The following TIMM17B variants were observed in gnomAD, a reference collection of about 807,000 sequenced individuals.
TIMM17B encodes the protein translocase of inner mitochondrial membrane 17B.
Under a neutral mutation model 15.9 loss-of-function variants are expected in TIMM17B, and 10 were observed. The observed-to-expected ratio is 0.63, with a 90% confidence interval of 0.39 to 1.06. The LOEUF is 1.06. Ranked by LOEUF, TIMM17B falls within the 50% of genes least tolerant of loss-of-function variation. TIMM17B has a pLI of 0.01. For missense variants in TIMM17B, 114 were observed against 152.2 expected, an observed-to-expected ratio of 0.75 and a Z score of 1.32; for synonymous variants, 57 against 57.2, an observed-to-expected ratio of 1.00 and a Z score of 0.02.
chrX:48,895,295 A>AATTCATTCATACATTTGTTC (rs1356636214), intron 3 of TIMM17B, 194 bp from the exon 3 acceptor site: 1 of 502,980 alleles, frequency 2.0e-6, no homozygotes, highest in Non-Finnish European at 3.6e-6. Context: ...GAGAAGTGCT[A>AATTCATTCATACATTTGTTC]ATTCATTCAT....
chrX:48,894,753 G>A (rs1336042105), intron 4 of TIMM17B, among the ~76,000 whole-genome samples: 1 of 111,407 alleles, frequency 9.0e-6, no homozygotes, highest in East Asian at 2.8e-4. Flanking sequence ...TAAAACTACC[G>A]ATGAAGTGGT....
At chrX:48,895,154 C>T (rs1426773806) in intron 3 of TIMM17B, 53 bp from the exon 3 acceptor site, 34 of 1,013,287 alleles carry the variant, frequency 3.4e-5, no homozygotes, top group South Asian at 2.0e-4. Flanking sequence ...CTGGCAGACA[C>T]GTTTCCAACT....
rs1557039632 is a variant in TIMM17B at position 48,896,877 on chromosome X, G to A, written c.27-19C>T. The A allele has an allele frequency of 8.3e-7, 1 of 1,210,348 alleles. No individual in the cohort carries two copies. The highest frequency in any genetic ancestry group is 1.1e-6 in the Non-Finnish European group (1 of 894,967). On this transcript the variant is annotated intron_variant, in intron 2 of 6. Coordinates refer to ENST00000376582, the Ensembl canonical transcript of TIMM17B. ...CCATGGGCTGCAAGCAGGAAGGGAA[G>A]GACGGGGTTAATGTGAGCCCTCCCC... is the stretch of plus-strand genomic sequence containing the variant.
At chrX:48,894,218 G>A (rs782253479) in exon 5 of TIMM17B, 2 of 1,208,905 alleles carry the variant, frequency 1.7e-6, no homozygotes, top group Non-Finnish European at 2.2e-6. Flanking sequence ...CCCACACTGC[G>A]AAGCTACCTG....
chrX:48,895,217 T>C, intron 3 of TIMM17B, 116 bp from the exon 3 acceptor site: 1 of 647,694 alleles, frequency 1.5e-6, no homozygotes, highest in Non-Finnish European at 2.4e-6. Context: ...GCTGTAGAGA[T>C]GTGGAGAAGT....
intron 3 of TIMM17B, 98 bp from the exon 3 acceptor site, chrX:48,895,199 A>C (rs2063301791): frequency 1.4e-6 from 1 of 729,719 alleles, no homozygotes; most frequent in South Asian, 2.7e-5. Context: ...GACCTGTTAG[A>C]GGTATGAGCT....
rs782624616 is a variant in TIMM17B, at chrX:48,897,786, C to T, written c.-37G>A. ...CTGGCCGCGCAGTCAGGCCACGCCC[C>T]CAGCGTAGACGCACACCGGCGTCGG... is the stretch of plus-strand genomic sequence containing the variant. On this transcript the variant is annotated 5_prime_UTR_variant, in exon 2 of 7. Coordinates refer to ENST00000376582, the Ensembl canonical transcript of TIMM17B. The T allele has an allele frequency of 2.5e-6, 3 of 1,204,995 alleles. No homozygotes were observed. Among genetic ancestry groups the T allele is most frequent in the South Asian group, 1.8e-5 (1 of 56,044 alleles).
exon 7 of TIMM17B, chrX:48,893,558 G>A (rs2063293104): frequency 5.0e-6 from 2 of 398,868 alleles, no homozygotes; most frequent in South Asian, 5.5e-5. Context: ...AGAGAAAAAG[G>A]GGACCCATCT....
In TIMM17B at chrX:48,897,760, T is replaced by C. The variant is rs371060234; in HGVS notation, c.-11A>G. 6.8e-5 allele frequency: 82 copies of C among 1,208,035 alleles called. No individual in the cohort carries two copies. The African/African-American group carries it at 1.3e-3, about 18-fold the overall frequency. ...AGCGTACTCCTCCATGGCGCTGGCGTCTGGCCGCGCAGTCAGGCCACGCCC... is the reference window on the plus strand; with the variant it reads ...AGCGTACTCCTCCATGGCGCTGGCGCCTGGCCGCGCAGTCAGGCCACGCCC... On this transcript the variant is annotated 5_prime_UTR_variant, in exon 2 of 7. Coordinates refer to ENST00000376582, the Ensembl canonical transcript of TIMM17B.
intron 4 of TIMM17B, among the ~76,000 whole-genome samples, chrX:48,894,500 A>C (rs943537198): frequency 9.0e-6 from 1 of 111,661 alleles, no homozygotes; most frequent in Non-Finnish European, 1.9e-5. Flanking sequence ...CTTTTAACAG[A>C]GCAACTTTGA....
chrX:48,895,642 G>C (rs964356406), intron 3 of TIMM17B: 1 of 433,122 alleles, frequency 2.3e-6, no homozygotes, highest in Non-Finnish European at 4.0e-6. Context: ...CAGGAGTCTA[G>C]GGGAGGGACG....
At chrX:48,896,554 G>A in intron 3 of TIMM17B, 1 of 807,376 alleles carries the variant, frequency 1.2e-6, no homozygotes, top group Non-Finnish European at 1.7e-6. Context: ...CTCCAGTTGG[G>A]TGGGGTGGAG....
At chrX:48,897,621 G>T in intron 2 of TIMM17B, 103 bp downstream of exon 1, 2 of 658,743 alleles carry the variant, frequency 3.0e-6, no homozygotes, top group Non-Finnish European at 4.9e-6. Flanking sequence ...AGTCCCCCGA[G>T]TCTGGTACAT....
At chrX:48,896,918 G>A in intron 2 of TIMM17B, 60 bp from the exon 2 acceptor site, 1 of 1,196,090 alleles carries the variant, frequency 8.4e-7, no homozygotes, top group Admixed American at 2.3e-5. Context: ...CCTGTCACAC[G>A]AACTCTTTTC....
chrX:48,897,968 GAGA>G (rs1203722313), intron 1 of TIMM17B, 200 bp from the exon 1 acceptor site: 8 of 902,688 alleles, frequency 8.9e-6, no homozygotes, highest in South Asian at 7.7e-5. Context: ...GCCTCGTTGA[GAGA>G]AGGTCTCATT....
chrX:48,897,958 G>A (rs1428100832), intron 1 of TIMM17B, 190 bp from the exon 1 acceptor site: 3 of 872,831 alleles, frequency 3.4e-6, no homozygotes, highest in Non-Finnish European at 3.1e-6. Context: ...GGGAGTGAAG[G>A]CCTCGTTGAG....
At chrX:48,897,041 C>A in intron 2 of TIMM17B, 183 bp from the exon 2 acceptor site, 2 of 985,902 alleles carry the variant, frequency 2.0e-6, no homozygotes, top group Non-Finnish European at 2.7e-6. Context: ...CCCATTAAAG[C>A]GAGAAATGGG....
At chrX:48,895,756 T>G (rs952329107) in intron 3 of TIMM17B, 3 of 305,645 alleles carry the variant, frequency 9.8e-6, no homozygotes, top group Non-Finnish European at 1.2e-5. Context: ...AAAAGAATTA[T>G]GTTAAAAGAA....
chrX:48,896,494 T>C, intron 3 of TIMM17B: 1 of 441,776 alleles, frequency 2.3e-6, no homozygotes, highest in Non-Finnish European at 3.5e-6. Flanking sequence ...GCACATACAT[T>C]TAAAATTTGG....
Sources: gnomAD v4.1 joint callset for allele counts (sites outside exome capture counted in the v4.1 genomes callset) on GRCh38, gnomAD v4.1.1 for gene constraint, MANE v1.5 for transcripts, NCBI Gene and HGNC (gene_info 2026-07-23, HGNC 2026-07-21) for gene names.